ELMO1: variants seen among roughly 807,000 people sequenced by gnomAD.
ELMO1 encodes the protein engulfment and cell motility 1, also known as engulfment and cell motility protein 1.
ELMO1 carries 26 observed loss-of-function variants against 98.9 expected under a neutral mutation model. That is an observed-to-expected ratio of 0.26 (90% CI 0.19 to 0.36). The LOEUF (loss-of-function observed/expected upper bound fraction) is 0.36. Ranked by LOEUF, ELMO1 falls within the 10% of genes least tolerant of loss-of-function variation. The pLI, the probability that ELMO1 is intolerant of heterozygous loss-of-function variation, is 1.00. For synonymous variants in ELMO1, 346 were observed against 346.0 expected (o/e 1.00, Z 0.00); for missense variants, 627 against 935.2 (o/e 0.67, Z 4.30).
At chr7:37,164,936 C>G (rs1789541925) in intron 13 of ELMO1, among the ~76,000 whole-genome samples, 1 of 151,682 alleles carries the variant, frequency 6.6e-6, no homozygotes, top group East Asian at 1.9e-4. Context: ...GGCAGTATGG[C>G]CATTTTCACA....
chr7:37,248,312 G>A (rs980939752), intron 6 of ELMO1, among the ~76,000 whole-genome samples: 1 of 152,014 alleles, frequency 6.6e-6, no homozygotes, highest in African/African-American at 2.4e-5. Flanking sequence ...TCTCACCTCA[G>A]CCCAAGGAAC....
At chr7:37,286,223 C>T (rs1053823943) in intron 4 of ELMO1, among the ~76,000 whole-genome samples, 2 of 152,068 alleles carry the variant, frequency 1.3e-5, no homozygotes, top group Admixed American at 6.5e-5. Flanking sequence ...AGGAACAATG[C>T]GGCTGGAAAC....
chr7:37,158,329 C>T (rs1788944390), intron 13 of ELMO1, among the ~76,000 whole-genome samples: 1 of 152,166 alleles, frequency 6.6e-6, no homozygotes, highest in African/African-American at 2.4e-5. Flanking sequence ...AACTAAAGAG[C>T]TTCTGCACAG....
At chr7:37,448,017 C>T (rs1268770572) in intron 1 of ELMO1, among the ~76,000 whole-genome samples, 1 of 152,020 alleles carries the variant, frequency 6.6e-6, no homozygotes, top group Non-Finnish European at 1.5e-5. Flanking sequence ...CGGCGGAGAC[C>T]CCGGTGTGTC....
chr7:36,957,500 A>T (rs1171031447), intron 16 of ELMO1, among the ~76,000 whole-genome samples: 1 of 152,196 alleles, frequency 6.6e-6, no homozygotes, highest in African/African-American at 2.4e-5. Flanking sequence ...CATTCTTAGT[A>T]ACTTCAATAT....
At chr7:37,014,164 C>CTCTCCT (rs1562897215) in intron 15 of ELMO1, among the ~76,000 whole-genome samples, 1 of 151,924 alleles carries the variant, frequency 6.6e-6, no homozygotes, top group Non-Finnish European at 1.5e-5. Context: ...CTGGTCCCTA[C>CTCTCCT]TCTCCTCCTC....
intron 16 of ELMO1, among the ~76,000 whole-genome samples, chr7:36,980,811 C>T (rs1463664918): frequency 6.6e-6 from 1 of 152,174 alleles, no homozygotes; most frequent in Non-Finnish European, 1.5e-5. Context: ...CTTGGCTTGG[C>T]TGAAAATCAG....
intron 16 of ELMO1, among the ~76,000 whole-genome samples, chr7:36,937,418 T>C (rs1029868794): frequency 2.6e-5 from 4 of 152,166 alleles, no homozygotes; most frequent in Non-Finnish European, 4.4e-5. Flanking sequence ...CAAGGAGAGA[T>C]TCCCCTGCAG....
At chr7:37,321,729 A>AAAAAAAAAAAAAAC (rs1306951906) in intron 2 of ELMO1, among the ~76,000 whole-genome samples, 2 of 150,170 alleles carry the variant, frequency 1.3e-5, no homozygotes, top group African/African-American at 4.9e-5. Flanking sequence ...AAAAAAAAAA[A>AAAAAAAAAAAAAAC]AAAAAAAAAC....
chr7:36,870,268 A>C lies in ELMO1; in HGVS notation c.1905+125T>G. On this transcript the variant is annotated intron_variant, in intron 20 of 21. Transcript: ENST00000310758. This position sits in a 1 kb window ranked among gnomAD's most constrained non-coding sequence, Gnocchi z 4.4. ...ATCGGGACAGGAAACAGGAGAGCTG[A>C]ATAAGAGATGTGTGTCTGAACACAC... 10 of 739,256 alleles carry C rather than the reference A, an allele frequency of 1.4e-5. No individual in the cohort carries two copies. In the South Asian group the frequency reaches 1.4e-4, roughly 10 times the overall value. The allele number at this position is 739,256 out of a possible 1,614,324, so 45.8% of individuals were successfully genotyped here.
At chr7:37,116,166 T>G (rs1279177555) in intron 14 of ELMO1, among the ~76,000 whole-genome samples, 3 of 152,166 alleles carry the variant, frequency 2.0e-5, no homozygotes, top group Non-Finnish European at 2.9e-5. Flanking sequence ...AGAAGTGAGC[T>G]GCAGTTCTTT....
chr7:37,013,247 G>A, intron 16 of ELMO1, 52 bp downstream of exon 16: 4 of 1,603,270 alleles, frequency 2.5e-6, no homozygotes, highest in Non-Finnish European at 3.4e-6. Flanking sequence ...CCATGCAGCA[G>A]GCCCCTTTAG....
chr7:37,239,665 A>G (rs1794657192), intron 7 of ELMO1, among the ~76,000 whole-genome samples: 1 of 152,100 alleles, frequency 6.6e-6, no homozygotes, highest in South Asian at 2.1e-4. Flanking sequence ...CCTTGGGACC[A>G]TGAAACAGAT....
chr7:37,180,385 T>C (rs1790771487), intron 13 of ELMO1, among the ~76,000 whole-genome samples: 1 of 152,182 alleles, frequency 6.6e-6, no homozygotes, highest in African/African-American at 2.4e-5. Context: ...AATCTAATCA[T>C]GAAAAGCATT....
chr7:37,344,249 C>G (rs1368167284), intron 1 of ELMO1, among the ~76,000 whole-genome samples: 1 of 152,136 alleles, frequency 6.6e-6, no homozygotes, highest in Non-Finnish European at 1.5e-5. Flanking sequence ...CCAGGCTGGT[C>G]TTGAACTCCT....
rs550459416 is a variant in ELMO1 at position 37,166,286 on chromosome 7, G to C, written c.1087-33052C>G. ...CAACTTTGTTGATCCTTTCAAAAAA[G>C]CAGCTCCTGGATTCATTAATTTTTG... On this transcript the variant is annotated intron_variant, in intron 13 of 21. Transcript: ENST00000310758. Among the ~76,000 whole-genome samples, 719 of 152,174 alleles carry C rather than the reference G, an allele frequency of 4.7e-3. 2 individuals carry two copies. The highest frequency in any genetic ancestry group is 8.2e-3 in the Non-Finnish European group (558 of 67,998).
intron 15 of ELMO1, among the ~76,000 whole-genome samples, chr7:37,079,040 A>C (rs1238684990): frequency 2.0e-5 from 3 of 152,200 alleles, no homozygotes; most frequent in African/African-American, 7.2e-5. Context: ...AAAAATACTA[A>C]AAGTGTGCAC....
At chr7:37,120,128 A>G (rs1404410123) in intron 14 of ELMO1, among the ~76,000 whole-genome samples, 5 of 152,210 alleles carry the variant, frequency 3.3e-5, no homozygotes, top group Non-Finnish European at 5.9e-5. Flanking sequence ...CTGGTTGTGT[A>G]GCAGTTTAAT....
At chr7:37,017,082 CCTA>C (rs1428870814) in intron 15 of ELMO1, among the ~76,000 whole-genome samples, 2 of 152,212 alleles carry the variant, frequency 1.3e-5, no homozygotes, top group Admixed American at 1.3e-4. Context: ...CTGCTTTCCT[CCTA>C]CTACTTGTGG....
Sources: allele counts gnomAD v4.1 joint callset (sites outside exome capture counted in the v4.1 genomes callset), GRCh38; gene constraint gnomAD v4.1.1; non-coding constraint Gnocchi (gnomAD v3.1); transcripts MANE v1.5; gene names NCBI Gene and HGNC (gene_info 2026-07-23, HGNC 2026-07-21).